Variants in RALGAPA1 observed in about 807,000 individuals in gnomAD.
RALGAPA1 encodes the protein ral GTPase-activating protein subunit alpha-1.
Under a neutral mutation model 269.6 loss-of-function variants are expected in RALGAPA1, and 52 were observed. That is an observed-to-expected ratio of 0.19 (90% CI 0.15 to 0.24). The LOEUF (loss-of-function observed/expected upper bound fraction) is 0.24, where lower values mean the gene tolerates loss of function less well. Ranked by LOEUF, RALGAPA1 falls within the 10% of genes least tolerant of loss-of-function variation. The probability of loss-of-function intolerance (pLI) is 1.00; values close to 1 mark genes in which losing one functional copy is unlikely to be tolerated. For synonymous variants in RALGAPA1, 817 were observed against 1,008.3 expected (o/e 0.81, Z 3.60); for missense variants, 1,917 against 3,013.9 (o/e 0.64, Z 8.52).
intron 19 of RALGAPA1, among the ~76,000 whole-genome samples, chr14:35,686,282 C>T (rs1245271760): frequency 2.0e-5 from 3 of 151,926 alleles, no homozygotes; most frequent in Admixed American, 2.0e-4. Flanking sequence ...AAGGTAGTTG[C>T]TTATACCTGT....
chr14:35,546,509 ATTATG>A (rs2054473813), intron 41 of RALGAPA1, among the ~76,000 whole-genome samples: 1 of 151,802 alleles, frequency 6.6e-6, no homozygotes, highest in African/African-American at 2.4e-5. Context: ...ACTGAATATA[ATTATG>A]TTATAGGGTT....
At chr14:35,680,530 C>G (rs1394541059) in intron 21 of RALGAPA1, among the ~76,000 whole-genome samples, 1 of 152,020 alleles carries the variant, frequency 6.6e-6, no homozygotes, top group Admixed American at 6.6e-5. Flanking sequence ...ATTTTAAATA[C>G]TTTTATATCA....
intron 36 of RALGAPA1, among the ~76,000 whole-genome samples, chr14:35,600,481 T>G (rs573238461): frequency 2.0e-4 from 31 of 152,180 alleles, no homozygotes; most frequent in African/African-American, 7.2e-4. Flanking sequence ...ATCTCCAGCT[T>G]CAGCCTCACA....
At chr14:35,668,406 C>G (rs2064131150) in intron 26 of RALGAPA1, among the ~76,000 whole-genome samples, 1 of 152,012 alleles carries the variant, frequency 6.6e-6, no homozygotes, top group African/African-American at 2.4e-5. Context: ...TCACTTGAAC[C>G]TGGGAGGCAG....
intron 31 of RALGAPA1, among the ~76,000 whole-genome samples, chr14:35,637,835 T>C (rs910019643): frequency 2.6e-5 from 4 of 151,754 alleles, no homozygotes; most frequent in African/African-American, 9.7e-5. Flanking sequence ...AAGAAACAAA[T>C]AACATACAAT....
chr14:35,780,171 G>A (rs2075337055), intron 1 of RALGAPA1, among the ~76,000 whole-genome samples: 1 of 151,914 alleles, frequency 6.6e-6, no homozygotes, highest in Admixed American at 6.6e-5. Context: ...AATCTTTTAA[G>A]AAGATATAAC....
At chr14:35,713,490 T>C (rs1040234655) in intron 16 of RALGAPA1, among the ~76,000 whole-genome samples, 20 of 152,178 alleles carry the variant, frequency 1.3e-4, no homozygotes, top group Non-Finnish European at 8.8e-5. Flanking sequence ...ACTCAACATT[T>C]CCAAATTAAT....
chr14:35,775,568 T>A, intron 2 of RALGAPA1, 67 bp downstream of exon 2: 2 of 1,504,594 alleles, frequency 1.3e-6, no homozygotes, highest in Non-Finnish European at 1.8e-6. Context: ...TCCAACAGCC[T>A]TTAAGTTATG....
Position 35,655,793 on chromosome 14 carries a change from A to G in RALGAPA1, c.5496+14T>C, listed in dbSNP as rs1294685578. The G allele has an allele frequency of 6.8e-6, 11 of 1,609,566 alleles. No individual in the cohort carries two copies. The South Asian group carries it at 1.2e-4, about 18-fold the overall frequency. ...CTCCTATCTTAATATATTTCACTAA[A>G]CAGTTTTCTTTACCTTTAAGGAAAC... On this transcript the variant is annotated intron_variant, in intron 29 of 41. Coordinates refer to ENST00000680220, the MANE Select transcript of RALGAPA1 (RefSeq NM_001346249.2).
At position 35,701,242 on chromosome 14, in the gene RALGAPA1, T is replaced by C. The variant is rs142779066; in HGVS notation, c.2267-940A>G. 3.8e-3 allele frequency among the ~76,000 whole-genome samples: 585 copies of C among 152,352 alleles called. 1 individual carries two copies. Among genetic ancestry groups the C allele is most frequent in the Non-Finnish European group, 6.8e-3 (460 of 68,018 alleles). On this transcript the variant is annotated intron_variant, in intron 16 of 41. Transcript: ENST00000680220. ...AGGATTCTTAATTAAGTTATAGGTA[T>C]TGTTACACATGAATCAAGGACTTAA...
intron 31 of RALGAPA1, among the ~76,000 whole-genome samples, chr14:35,645,387 G>GTT (rs2062352275): frequency 6.8e-6 from 1 of 146,752 alleles, no homozygotes; most frequent in African/African-American, 2.6e-5. Flanking sequence ...GTGTGTGTGT[G>GTT]TGTATATGTT....
chr14:35,639,892 T>C (rs986093260), intron 31 of RALGAPA1, among the ~76,000 whole-genome samples: 2 of 151,126 alleles, frequency 1.3e-5, no homozygotes, highest in Non-Finnish European at 2.9e-5. Context: ...TGAGTCAAGA[T>C]TGCACCACTG....
At chr14:35,797,414 T>C (rs1313549412) in intron 1 of RALGAPA1, among the ~76,000 whole-genome samples, 1 of 141,088 alleles carries the variant, frequency 7.1e-6, no homozygotes, top group Non-Finnish European at 1.5e-5. Context: ...GCATAAAGAA[T>C]CCATCACATA....
intron 31 of RALGAPA1, 85 bp from the exon 32 acceptor site, chr14:35,635,683 A>T (rs985353320): frequency 1.0e-5 from 13 of 1,271,134 alleles, no homozygotes; most frequent in Non-Finnish European, 1.3e-5. Context: ...TTGAGTTTCC[A>T]AAATTTGTTT....
chr14:35,625,582 A>T (rs1458152984), intron 34 of RALGAPA1, 150 bp from the exon 35 acceptor site: 3 of 493,578 alleles, frequency 6.1e-6, no homozygotes, highest in Non-Finnish European at 1.1e-5. Flanking sequence ...CCTAAAAAAA[A>T]TGTAAAGAAT....
intron 35 of RALGAPA1, among the ~76,000 whole-genome samples, chr14:35,614,909 G>C (rs1038442389): frequency 6.6e-6 from 1 of 152,126 alleles, no homozygotes; most frequent in East Asian, 1.9e-4. Context: ...TAAAAGGTGA[G>C]AGAAGTATAT....
chr14:35,568,910 G>A (rs2056936485), intron 39 of RALGAPA1, among the ~76,000 whole-genome samples: 1 of 152,108 alleles, frequency 6.6e-6, no homozygotes, highest in Admixed American at 6.5e-5. Context: ...TCTACTTAGT[G>A]GATGTCTCCA....
At chr14:35,716,858 C>A (rs897191969) in intron 16 of RALGAPA1, among the ~76,000 whole-genome samples, 4 of 152,160 alleles carry the variant, frequency 2.6e-5, no homozygotes, top group Non-Finnish European at 5.9e-5. Flanking sequence ...ATACTATAAA[C>A]TAGAAGTTAG....
chr14:35,755,872 G>A (rs886908693), intron 7 of RALGAPA1, among the ~76,000 whole-genome samples: 6 of 152,122 alleles, frequency 3.9e-5, no homozygotes, highest in African/African-American at 7.2e-5. Context: ...GAATTTTTGT[G>A]TTTGGAGCCA....
Sources: gnomAD v4.1 joint callset for allele counts (sites outside exome capture counted in the v4.1 genomes callset) on GRCh38, gnomAD v4.1.1 for gene constraint, MANE v1.5 for transcripts, NCBI Gene and HGNC (gene_info 2026-07-23, HGNC 2026-07-21) for gene names.